DNAAF8: variants seen among roughly 807,000 people sequenced by gnomAD.
DNAAF8 encodes dynein axonemal-associated protein 1.
Under a neutral mutation model 54.6 loss-of-function variants are expected in DNAAF8, and 61 were observed. The ratio of observed to expected loss-of-function variants is 1.12; its 90% CI spans 0.91 to 1.38. DNAAF8 has a LOEUF of 1.38. DNAAF8 is among the 40% of genes most tolerant of loss of function. The pLI is 0.00. For synonymous variants in DNAAF8, 320 were observed against 270.1 expected (o/e 1.18, Z -1.81); for missense variants, 837 against 665.0 (o/e 1.26, Z -2.85).
intron 6 of DNAAF8, among the ~76,000 whole-genome samples, chr16:4,745,485 G>A (rs1025732795): frequency 2.0e-5 from 3 of 152,232 alleles, no homozygotes; most frequent in African/African-American, 7.2e-5. Context: ...CAGTGAAGCT[G>A]GGAGAGGCAG....
At chr16:4,740,725 T>C in intron 4 of DNAAF8, 66 bp downstream of exon 4, 1 of 1,475,518 alleles carries the variant, frequency 6.8e-7, no homozygotes, top group Middle Eastern at 2.4e-4. Context: ...GCTGTTCCCA[T>C]GCACTGGAGC....
chr16:4,747,081 G>A, intron 8 of DNAAF8, 56 bp downstream of exon 8: 29 of 1,461,616 alleles, frequency 2.0e-5, no homozygotes, highest in Non-Finnish European at 2.6e-5. Context: ...GCTTTCTGCA[G>A]CAAGCCCTCC....
chr16:4,741,067 C>A (rs1367273884), intron 4 of DNAAF8, among the ~76,000 whole-genome samples: 3 of 142,498 alleles, frequency 2.1e-5, no homozygotes, highest in African/African-American at 2.6e-5. Flanking sequence ...ACTAAAAATA[C>A]AAAAAAAAAA....
Position 4,747,037 on chromosome 16 carries a change from G to A in DNAAF8, c.1280+12G>A. On this transcript the variant is annotated intron_variant, in intron 8 of 9. Transcript: ENST00000299320. ...TCCCTGGGGCTACGGTAACCACCCA[G>A]GGGCCTCTCGCCACCTGCAGATGTC... 1 of 1,517,694 alleles carries A rather than the reference G, an allele frequency of 6.6e-7. No homozygotes were observed. The highest frequency in any genetic ancestry group is 8.8e-7 in the Non-Finnish European group (1 of 1,138,014). 94.0% of individuals were successfully genotyped at this position (1,517,694 alleles called of 1,614,324 possible).
chr16:4,743,011 A>G (rs1468991319), intron 4 of DNAAF8, 32 bp from the exon 5 acceptor site: 4 of 1,535,580 alleles, frequency 2.6e-6, no homozygotes, highest in Non-Finnish European at 3.6e-6. Context: ...ACCCCTCAGC[A>G]TCCTCATAAT....
intron 5 of DNAAF8, among the ~76,000 whole-genome samples, 191 bp from the exon 6 acceptor site, chr16:4,744,678 GC>G (rs892627691): frequency 1.8e-4 from 28 of 152,118 alleles, no homozygotes; most frequent in South Asian, 6.2e-4. Context: ...TAAAGATTCT[GC>G]CCCCCTCAGC....
chr16:4,742,552 C>CAAAAAAA (rs576508321), intron 4 of DNAAF8, among the ~76,000 whole-genome samples: 1 of 94,692 alleles, frequency 1.1e-5, no homozygotes, highest in Non-Finnish European at 2.1e-5. Flanking sequence ...ACTAAAAATA[C>CAAAAAAA]AAAAAAAAAA....
At chr16:4,746,697 G>A (rs1005668640) in intron 7 of DNAAF8, 185 bp downstream of exon 7, 21 of 874,350 alleles carry the variant, frequency 2.4e-5, no homozygotes, top group African/African-American at 3.4e-5. Context: ...AGAGGGGCAT[G>A]AGGCACACCT....
Position 4,746,939 on chromosome 16 carries a change from C to T in DNAAF8, c.1194C>T (p.Ser398=). The stretch of plus-strand genomic sequence containing the variant: ...TCTCTCCCTGCAGCTCCAGCCACAG[C>T]TCCTCTGACAGTGAGGAGGAGGAGG... ...DHLSPESSSH[S]SSDSEEEEEE... Residue 398 remains serine, a synonymous_variant, in exon 8 of 10, where the codon AGC becomes AGT. Transcript: ENST00000299320. 1.3e-6 allele frequency: 2 copies of T among 1,561,620 alleles called. No individual in the cohort carries two copies. Among genetic ancestry groups the T allele is most frequent in the Non-Finnish European group, 1.7e-6 (2 of 1,156,818 alleles).
Position 4,740,187 on chromosome 16 carries a change from C to T in DNAAF8, c.311C>T (p.Pro104Leu). Residue 104 changes from proline (P) to leucine (L), a missense_variant, in exon 4 of 10, where the codon CCT becomes CTT. Coordinates refer to ENST00000299320, the MANE Select transcript of DNAAF8 (RefSeq NM_139170.3). ...GTGCCTGCAGAATTGGCCACAGAAC[C>T]TGGGTGCAGACAGAACACAAGGACA... is the stretch of plus-strand genomic sequence containing the variant. Reference protein sequence around the residue: ...VLVPAELATEPGCRQNTRTKD... With the variant: ...VLVPAELATELGCRQNTRTKD... 1 of 1,613,016 alleles carries T rather than the reference C, an allele frequency of 6.2e-7. No individual in the cohort carries two copies. The highest frequency in any genetic ancestry group is 8.5e-7 in the Non-Finnish European group (1 of 1,179,334).
chr16:4,747,109 C>A, intron 8 of DNAAF8, 84 bp downstream of exon 8: 1 of 1,358,322 alleles, frequency 7.4e-7, no homozygotes, highest in East Asian at 2.5e-5. Context: ...ACATTTACCG[C>A]CTGTGGTGAG....
intron 1 of DNAAF8, chr16:4,735,213 AGAGTCTCTG>A (rs2081866948): frequency 6.6e-6 from 1 of 152,276 alleles, no homozygotes; most frequent in African/African-American, 2.4e-5. Flanking sequence ...AGGGTTTATC[AGAGTCTCTG>A]GAGGCCCTCT....
In DNAAF8 at chr16:4,747,401, G is replaced by A; in HGVS notation, c.1339G>A (p.Ala447Thr). The change falls in exon 9 of 10, where the codon GCC becomes ACC. Residue 447 changes from alanine (A) to threonine (T), a missense_variant. Physicochemically the swap from Ala to Thr is moderately conservative, Grantham distance 58. Coordinates refer to ENST00000299320, the MANE Select transcript of DNAAF8 (RefSeq NM_139170.3). ...GCTCAGGGCCTTTCAGAAGGGGACA[G>A]CCCAGCCCGAGCTGCCTGCCAGCAA... Reference protein sequence around the residue: ...QQLRAFQKGTAQPELPASKGP... With the variant: ...QQLRAFQKGTTQPELPASKGP... The A allele has an allele frequency of 2.5e-6, 4 of 1,612,530 alleles. No individual in the cohort carries two copies. Among genetic ancestry groups the A allele is most frequent in the Non-Finnish European group, 3.4e-6 (4 of 1,179,672 alleles).
intron 9 of DNAAF8, 134 bp downstream of exon 9, chr16:4,747,768 T>C: frequency 9.2e-7 from 1 of 1,081,262 alleles, no homozygotes; most frequent in Non-Finnish European, 1.3e-6. Flanking sequence ...TTTGGACTGT[T>C]GCCCACCCTG....
chr16:4,744,961 G>A lies in DNAAF8; in HGVS notation c.993G>A (p.Lys331=). 1 of 1,613,988 alleles carries A rather than the reference G, an allele frequency of 6.2e-7. No individual in the cohort carries two copies. Among genetic ancestry groups the A allele is most frequent in the Non-Finnish European group, 8.5e-7 (1 of 1,179,998 alleles). The change falls in exon 6 of 10, where the codon AAG becomes AAA. Residue 331 remains lysine (K), a synonymous_variant. Transcript: ENST00000299320. The part of the protein sequence containing the change: ...TQSKASACAR[K]VPADTPQDTK... ...CCAAGGCCTCTGCTTGTGCCCGGAA[G>A]GTGCCTGCCGACACTCCCCAGGACA...
At chr16:4,745,141 C>G in intron 6 of DNAAF8, 130 bp downstream of exon 6, 1 of 1,208,676 alleles carries the variant, frequency 8.3e-7, no homozygotes, top group Non-Finnish European at 1.1e-6. Flanking sequence ...AGCATCTGAT[C>G]AGGCAGTCGC....
Position 4,745,089 on chromosome 16 carries a change from C to T in DNAAF8, c.1043+78C>T, listed in dbSNP as rs2081997370. 1.2e-5 allele frequency: 19 copies of T among 1,520,380 alleles called. No individual in the cohort carries two copies. The South Asian group carries it at 2.2e-4, about 18-fold the overall frequency. The allele number at this position is 1,520,380 out of a possible 1,614,324, so 94.2% of individuals were successfully genotyped here. ...GTTTTGTAGCACTGACTGGGCCTAC[C>T]AAGGGCGGGGCACTCCATGTGCATT... On this transcript the variant is annotated intron_variant, in intron 6 of 9. Coordinates refer to ENST00000299320, the MANE Select transcript of DNAAF8 (RefSeq NM_139170.3).
chr16:4,745,097 G>A (rs2081997620), intron 6 of DNAAF8, 86 bp downstream of exon 6: 9 of 1,483,560 alleles, frequency 6.1e-6, no homozygotes, highest in South Asian at 4.8e-5. Context: ...ACCAAGGGCG[G>A]GGCACTCCAT....
rs2082032560 is a variant in DNAAF8, at chr16:4,747,438, G to T, written c.1376G>T (p.Gly459Val). 6.2e-7 allele frequency: 1 copy of T among 1,613,126 alleles called. No homozygotes were observed. ...PELPASKGPA[G>V]GRAQAPEDTA... Reference sequence around the variant, plus strand: ...CTGCCTGCCAGCAAGGGGCCCGCGGGTGGGAGGGCTCAGGCCCCTGAAGAC... The same window carrying T: ...CTGCCTGCCAGCAAGGGGCCCGCGGTTGGGAGGGCTCAGGCCCCTGAAGAC... Residue 459 changes from glycine to valine, a missense_variant, in exon 9 of 10, where the codon GGT becomes GTT. Transcript: ENST00000299320.
Sources: gnomAD v4.1 joint callset for allele counts (sites outside exome capture counted in the v4.1 genomes callset) on GRCh38, gnomAD v4.1.1 for gene constraint, MANE v1.5 for transcripts, NCBI Gene and HGNC (gene_info 2026-07-23, HGNC 2026-07-21) for gene names.